Variants in SYNE1 observed in about 807,000 individuals in gnomAD.
The protein encoded by SYNE1 is spectrin repeat containing nuclear envelope protein 1, also known as nesprin-1.
Under a neutral mutation model 1,111.0 loss-of-function variants are expected in SYNE1, and 616 were observed. The observed-to-expected ratio is 0.55, with a 90% CI of 0.52 to 0.59. The LOEUF is 0.59. SYNE1 is among the 20% of genes least tolerant of loss of function. The probability of loss-of-function intolerance (pLI) is 0.00; values close to 1 mark genes in which losing one functional copy is unlikely to be tolerated. For synonymous variants in SYNE1, 3,855 were observed against 3,825.8 expected, an observed-to-expected ratio of 1.01 and a Z score of -0.28; for missense variants, 10,006 against 10,417.0, an observed-to-expected ratio of 0.96 and a Z score of 1.72.
At chr6:152,191,500 TGG>T (rs1266040911) in intron 127 of SYNE1, among the ~76,000 whole-genome samples, 1 of 152,154 alleles carries the variant, frequency 6.6e-6, no homozygotes, top group East Asian at 1.9e-4. Context: ...GGTTCAATCT[TGG>T]CAGGTTGTAT....
intron 130 of SYNE1, among the ~76,000 whole-genome samples, chr6:152,172,329 A>G (rs2065415599): frequency 6.6e-6 from 1 of 152,232 alleles, no homozygotes; most frequent in African/African-American, 2.4e-5. Flanking sequence ...GATGAGTTAT[A>G]CGGCATGTGG....
At chr6:152,383,791 C>G (rs2097471529) in intron 55 of SYNE1, among the ~76,000 whole-genome samples, 1 of 152,172 alleles carries the variant, frequency 6.6e-6, no homozygotes, top group Non-Finnish European at 1.5e-5. Context: ...ACCTGAAATT[C>G]AGTCTTGAAT....
At chr6:152,345,638 T>A (rs2096615634) in intron 73 of SYNE1, among the ~76,000 whole-genome samples, 1 of 152,094 alleles carries the variant, frequency 6.6e-6, no homozygotes, top group African/African-American at 2.4e-5. Flanking sequence ...ATTATTATGG[T>A]GAACATGGAC....
At chr6:152,337,103 C>G in intron 75 of SYNE1, 86 bp from the exon 76 acceptor site, 1 of 1,381,440 alleles carries the variant, frequency 7.2e-7, no homozygotes, top group Non-Finnish European at 1.0e-6. Context: ...TTCCAGCTGG[C>G]CTGTGCACTC....
intron 6 of SYNE1, among the ~76,000 whole-genome samples, chr6:152,517,050 C>G (rs543938516): frequency 6.6e-6 from 1 of 152,204 alleles, no homozygotes; most frequent in Non-Finnish European, 1.5e-5. Flanking sequence ...GTTTTGCACA[C>G]TATCCTAATG....
At chr6:152,172,924 C>T (rs1436756775) in intron 130 of SYNE1, among the ~76,000 whole-genome samples, 1 of 152,054 alleles carries the variant, frequency 6.6e-6, no homozygotes, top group Non-Finnish European at 1.5e-5. Flanking sequence ...GTGCAACTGA[C>T]CATAATTAAA....
At chr6:152,525,660 C>T (rs1199424546) in intron 5 of SYNE1, among the ~76,000 whole-genome samples, 1 of 152,064 alleles carries the variant, frequency 6.6e-6, no homozygotes, top group Non-Finnish European at 1.5e-5. Flanking sequence ...ACACTGGTTT[C>T]CTGCTTAATT....
chr6:152,180,349 A>G, intron 128 of SYNE1, 55 bp from the exon 129 acceptor site: 2 of 1,546,314 alleles, frequency 1.3e-6, no homozygotes, highest in Non-Finnish European at 8.9e-7. Context: ...AGAAGACCAC[A>G]CTCCAAGGAA....
chr6:152,430,834 C>T (rs1046894137), intron 34 of SYNE1, 125 bp from the exon 35 acceptor site: 14 of 936,630 alleles, frequency 1.5e-5, no homozygotes, highest in African/African-American at 8.1e-5. Flanking sequence ...ATGGTTAGAG[C>T]GCAGCTGTGA....
At chr6:152,387,806 T>A (rs537769696) in intron 53 of SYNE1, among the ~76,000 whole-genome samples, 1 of 152,350 alleles carries the variant, frequency 6.6e-6, no homozygotes, top group East Asian at 1.9e-4. Context: ...ATTTGTTGAC[T>A]GGAATTCAAA....
At chr6:152,477,225 T>A (rs965212164) in intron 14 of SYNE1, among the ~76,000 whole-genome samples, 5 of 150,742 alleles carry the variant, frequency 3.3e-5, no homozygotes, top group African/African-American at 1.2e-4. Flanking sequence ...GTGCAGAAAA[T>A]CAAGCAAAAG....
intron 59 of SYNE1, among the ~76,000 whole-genome samples, chr6:152,370,959 A>G (rs1345449048): frequency 6.6e-6 from 1 of 152,228 alleles, no homozygotes; most frequent in Admixed American, 6.5e-5. Context: ...TAACTTCTGG[A>G]GTATTCTACC....
chr6:152,373,077 T>A lies in SYNE1; in HGVS notation c.9467A>T (p.Asn3156Ile), dbSNP rs757825206. The part of the protein sequence containing the change: ...KVTAAKEDWK[N>I]FHSNLHQKES... ...TTTTTGGTGGAGATTTGAATGAAAA[T>A]TTTTCCAATCTTCTTTTGCAGCTGT... Residue 3156 changes from asparagine to isoleucine, a missense_variant, in exon 59 of 146, where the codon AAT (asparagine) becomes ATT (isoleucine). Around this residue, in one of 7 missense-constraint regions of SYNE1, gnomAD observed 4,955 missense variants for 5,017.2 expected, o/e 0.99. Transcript: ENST00000367255. 1 of 1,614,080 alleles carries A rather than the reference T, an allele frequency of 6.2e-7. No homozygotes were observed. The highest frequency in any genetic ancestry group is 8.5e-7 in the Non-Finnish European group (1 of 1,180,012).
At chr6:152,141,416 G>T in intron 138 of SYNE1, 87 bp from the exon 139 acceptor site, 2 of 1,567,862 alleles carry the variant, frequency 1.3e-6, no homozygotes, top group Admixed American at 1.7e-5. Flanking sequence ...TAATTTCTCA[G>T]CAAGAGAAGT....
Position 152,352,276 on chromosome 6 carries a change from G to T in SYNE1, c.11331C>A (p.Tyr3777Ter). Reference protein sequence around the residue: ...AREKGERAVKYLEEGEAERLR... With the variant: ...AREKGERAVK Reference sequence around the variant, plus strand: ...ACCTCTCTGCCTCGCCTTCCTCCAAGTATTTAACAGCCCTCTCTCCTTTCT... The same window carrying T: ...ACCTCTCTGCCTCGCCTTCCTCCAATTATTTAACAGCCCTCTCTCCTTTCT... Residue 3777 changes from tyrosine to a stop codon, truncating the protein, a stop_gained, in exon 70 of 146, where the codon TAC becomes TAA. Transcript: ENST00000367255. LOFTEE classifies it high-confidence loss of function. The T allele has an allele frequency of 6.2e-7, 1 of 1,614,088 alleles. No homozygotes were observed. The highest frequency in any genetic ancestry group is 8.5e-7 in the Non-Finnish European group (1 of 1,180,012).
rs894692662 is a variant in SYNE1 at position 152,151,230 on chromosome 6, A to AC, written c.24450+322_24450+323insG. Among the ~76,000 whole-genome samples the AC allele has an allele frequency of 4.8e-4, 73 of 151,914 alleles. No homozygotes were observed. The Middle Eastern group carries it at 0.01, about 21-fold the overall frequency. ...GAGTGAGACTCTCTCTAAAAAAAAA[A>AC]AAAACAAAACAACAACAGCAGAACA... On this transcript the variant is annotated intron_variant, in intron 135 of 145. Coordinates refer to ENST00000367255, the MANE Select transcript of SYNE1 (RefSeq NM_182961.4).
chr6:152,455,543 G>A lies in SYNE1; in HGVS notation c.2775C>T (p.Asn925=), dbSNP rs1421626432. 1.9e-6 allele frequency: 3 copies of A among 1,614,112 alleles called. No individual in the cohort carries two copies. The highest frequency in any genetic ancestry group is 2.5e-6 in the Non-Finnish European group (3 of 1,180,014). Residue 925 remains asparagine, a synonymous_variant, in exon 24 of 146, where the codon AAC becomes AAT. Transcript: ENST00000367255. ...TGDWKKHVET[N]SRLMKKFEES... The stretch of plus-strand genomic sequence containing the variant: ...CCTCAAACTTCTTCATCAAGCGACT[G>A]TTGGTTTCCACATGCTTCTTCCAAT...
At chr6:152,435,338 G>T (rs2098463759) in intron 33 of SYNE1, 2 of 148,524 alleles carry the variant, frequency 1.3e-5, no homozygotes, top group Non-Finnish European at 1.5e-5. Flanking sequence ...AAACTTTTTT[G>T]TATATTTTGG....
chr6:152,236,432 A>G lies in SYNE1; in HGVS notation c.20200-129T>C, dbSNP rs568404401. The stretch of plus-strand genomic sequence containing the variant: ...AAACTTAAACTATACTCACTCAAGT[A>G]ACATTGAAAACTTTAAGATGTTTCA... On this transcript the variant is annotated intron_variant, in intron 109 of 145. Coordinates refer to ENST00000367255, the MANE Select transcript of SYNE1 (RefSeq NM_182961.4). 6.1e-5 allele frequency: 43 copies of G among 706,056 alleles called. No individual in the cohort carries two copies. In the South Asian group the frequency reaches 7.3e-4, roughly 12 times the overall value. 43.7% of individuals were successfully genotyped at this position (706,056 alleles called of 1,614,324 possible). A position where few individuals can be genotyped will look rare whatever the true frequency, so the allele number is the denominator to read the frequency against.
Sources: allele counts gnomAD v4.1 joint callset (sites outside exome capture counted in the v4.1 genomes callset), GRCh38; gene constraint gnomAD v4.1.1; regional missense constraint gnomAD v4.1.1; transcripts MANE v1.5; gene names NCBI Gene and HGNC (gene_info 2026-07-23, HGNC 2026-07-21).